The following APPL1 variants were observed in gnomAD, a reference collection of about 807,000 sequenced individuals.
APPL1 encodes the protein DCC-interacting protein 13-alpha.
APPL1 carries 42 observed loss-of-function variants against 106.8 expected under a neutral mutation model. The ratio of observed to expected loss-of-function variants is 0.39; its 90% CI spans 0.31 to 0.51. The LOEUF (loss-of-function observed/expected upper bound fraction) is 0.51. Among genes scored for constraint, APPL1 ranks in the 20% least tolerant of loss-of-function variants. The pLI is 0.75. For missense variants in APPL1, 769 were observed against 858.2 expected, an observed-to-expected ratio of 0.90 and a Z score of 1.30; for synonymous variants, 263 against 281.8, an observed-to-expected ratio of 0.93 and a Z score of 0.67.
chr3:57,260,280 G>A (rs918675516), intron 18 of APPL1, 127 bp downstream of exon 18: 2 of 1,055,240 alleles, frequency 1.9e-6, no homozygotes, highest in Middle Eastern at 3.1e-4. Context: ...GTCTTTGGCT[G>A]TTGTAGTTAA....
At chr3:57,244,275 C>A (rs558131383) in intron 7 of APPL1, among the ~76,000 whole-genome samples, 1 of 152,134 alleles carries the variant, frequency 6.6e-6, no homozygotes, top group African/African-American at 2.4e-5. Context: ...CCTGTTTCAG[C>A]CTCCCCAGTA....
chr3:57,262,062 C>T (rs2060869193), intron 19 of APPL1, among the ~76,000 whole-genome samples: 1 of 151,920 alleles, frequency 6.6e-6, no homozygotes, highest in Non-Finnish European at 1.5e-5. Flanking sequence ...GTTTTTGTGT[C>T]CTTTAAGAAA....
In APPL1 at chr3:57,227,896, G is replaced by A. The variant is rs1180717064; in HGVS notation, c.13G>A (p.Asp5Asn). Reference sequence around the variant, plus strand: ...TCCCTCCGCCACGATGCCGGGGATCGACAAGCTGCCCATCGAGGAGACGCT... The same window carrying A: ...TCCCTCCGCCACGATGCCGGGGATCAACAAGCTGCCCATCGAGGAGACGCT... Reference protein sequence around the residue: MPGIDKLPIEETLED... With the variant: MPGINKLPIEETLED... The change falls in exon 1 of 22, where the codon GAC becomes AAC. Residue 5 changes from aspartate (D) to asparagine (N), a missense_variant. Asp to Asn is a conservative substitution (Grantham distance 23). Transcript: ENST00000288266. 5.4e-6 allele frequency: 8 copies of A among 1,469,868 alleles called. No individual in the cohort carries two copies. The highest frequency in any genetic ancestry group is 2.6e-5 in the South Asian group (2 of 77,608). 91.1% of individuals were successfully genotyped at this position (1,469,868 alleles called of 1,614,324 possible). A position where few individuals can be genotyped will look rare whatever the true frequency, so the allele number is the denominator to read the frequency against.
chr3:57,231,155 T>C (rs761194922), intron 1 of APPL1, among the ~76,000 whole-genome samples: 3 of 151,370 alleles, frequency 2.0e-5, no homozygotes, highest in Non-Finnish European at 4.4e-5. Flanking sequence ...CTGGCCAACA[T>C]AGTGAAACCC....
chr3:57,241,956 AAC>A (rs2060748537), intron 5 of APPL1, 143 bp from the exon 6 acceptor site: 3 of 542,664 alleles, frequency 5.5e-6, no homozygotes, highest in Non-Finnish European at 6.4e-6. Context: ...GACTAGCTGA[AAC>A]ACAGAGTAGC....
In APPL1 at chr3:57,227,799, G is replaced by C. The variant is rs1432560172; in HGVS notation, c.-85G>C. On this transcript the variant is annotated 5_prime_UTR_variant, in exon 1 of 22. Transcript: ENST00000288266. Reference sequence around the variant, plus strand: ...CTGCAGCCCTTGCCGGAGAGGGCGGGCCGGGGTCAGCTGCGGCGGGCGGGC... The same window carrying C: ...CTGCAGCCCTTGCCGGAGAGGGCGGCCCGGGGTCAGCTGCGGCGGGCGGGC... The C allele has an allele frequency of 1.6e-6, 2 of 1,232,120 alleles. No individual in the cohort carries two copies. Among genetic ancestry groups the C allele is most frequent in the African/African-American group, 1.6e-5 (1 of 63,294 alleles). The allele number at this position is 1,232,120 out of a possible 1,614,324, so 76.3% of individuals were successfully genotyped here. A position where few individuals can be genotyped will look rare whatever the true frequency, so the allele number is the denominator to read the frequency against.
Position 57,235,577 on chromosome 3 carries a change from A to G in APPL1, c.66A>G (p.Leu22=), listed in dbSNP as rs2060712017. 6.2e-7 allele frequency: 1 copy of G among 1,606,664 alleles called. No homozygotes were observed. Among genetic ancestry groups the G allele is most frequent in the South Asian group, 1.1e-5 (1 of 90,710 alleles). ...TLEDSPQTRS[L]LGVFEEDATA... ...ATTGTTTTATACAGACAAGGTCTTT[A>G]CTAGGTGTATTTGAAGAAGATGCCA... Residue 22 remains leucine (L), a synonymous_variant, in exon 2 of 22, where the codon TTA becomes TTG. Coordinates refer to ENST00000288266, the MANE Select transcript of APPL1 (RefSeq NM_012096.3).
At chr3:57,252,131 G>A (rs1476553662) in intron 11 of APPL1, 138 bp from the exon 12 acceptor site, 28 of 694,104 alleles carry the variant, frequency 4.0e-5, no homozygotes, top group East Asian at 1.1e-4. Flanking sequence ...CTAAGATACC[G>A]TTGGTTGTGT....
At chr3:57,262,066 T>G (rs1012162136) in intron 19 of APPL1, among the ~76,000 whole-genome samples, 10 of 152,174 alleles carry the variant, frequency 6.6e-5, no homozygotes, top group Non-Finnish European at 1.2e-4. Flanking sequence ...TTGTGTCCTT[T>G]AAGAAATGCA....
At chr3:57,239,554 T>C (rs1366085478) in intron 4 of APPL1, among the ~76,000 whole-genome samples, 1 of 152,236 alleles carries the variant, frequency 6.6e-6, no homozygotes, top group Non-Finnish European at 1.5e-5. Flanking sequence ...TGTATCTGTT[T>C]ATCTAGTCAT....
chr3:57,265,127 C>T (rs140151709), intron 19 of APPL1, among the ~76,000 whole-genome samples: 3,644 of 151,874 alleles, frequency 0.024, 67 homozygotes, highest in Admixed American at 0.035. Context: ...TTTCTTTCAT[C>T]AGTGTTTTAT....
At chr3:57,252,505 G>A (rs986876605) in intron 12 of APPL1, among the ~76,000 whole-genome samples, 194 bp downstream of exon 12, 2 of 152,158 alleles carry the variant, frequency 1.3e-5, no homozygotes, top group African/African-American at 4.8e-5. Context: ...GAATTTTATA[G>A]TGGGAGGGAC....
intron 4 of APPL1, 125 bp from the exon 5 acceptor site, chr3:57,240,340 A>C (rs2060739015): frequency 1.4e-6 from 1 of 714,832 alleles, no homozygotes; most frequent in Non-Finnish European, 2.3e-6. Context: ...TATATCACAT[A>C]ATTTTTAGTG....
intron 13 of APPL1, 133 bp from the exon 14 acceptor site, chr3:57,256,824 T>C (rs1316544641): frequency 1.5e-6 from 1 of 670,836 alleles, no homozygotes; most frequent in Non-Finnish European, 2.6e-6. Context: ...CGAGGGAATA[T>C]AGTACTACTT....
Position 57,242,183 on chromosome 3 carries a change from T to C in APPL1, c.415+41T>C, listed in dbSNP as rs368580975. ...TGCACACTTATTTCTTGCAGTGATG[T>C]ATTTGTTTATCAGTGCATATCTGTG... On this transcript the variant is annotated intron_variant, in intron 6 of 21. Transcript: ENST00000288266. 21 of 1,498,706 alleles carry C rather than the reference T, an allele frequency of 1.4e-5. No homozygotes were observed. The African/African-American group carries it at 2.6e-4, about 19-fold the overall frequency. 92.8% of individuals were successfully genotyped at this position (1,498,706 alleles called of 1,614,324 possible). A position where few individuals can be genotyped will look rare whatever the true frequency, so the allele number is the denominator to read the frequency against.
chr3:57,238,742 T>C (rs1281295536), intron 4 of APPL1, among the ~76,000 whole-genome samples: 1 of 152,154 alleles, frequency 6.6e-6, no homozygotes, highest in Admixed American at 6.5e-5. Context: ...TACCGGGAAA[T>C]CAAGATAAAG....
At chr3:57,262,115 G>A (rs1416066432) in intron 19 of APPL1, among the ~76,000 whole-genome samples, 1 of 151,918 alleles carries the variant, frequency 6.6e-6, no homozygotes, top group East Asian at 1.9e-4. Flanking sequence ...GGGATTATTT[G>A]ATTTTTTCCC....
intron 1 of APPL1, among the ~76,000 whole-genome samples, chr3:57,232,145 G>T (rs1221363640): frequency 6.6e-6 from 1 of 152,156 alleles, no homozygotes; most frequent in Non-Finnish European, 1.5e-5. Context: ...ACTAAGAACA[G>T]ATAATGATCT....
Position 57,269,870 on chromosome 3 carries a change from C to A in APPL1, c.*183C>A, listed in dbSNP as rs997223807. On this transcript the variant is annotated 3_prime_UTR_variant, in exon 22 of 22. Transcript: ENST00000288266. Reference sequence around the variant, plus strand: ...ACTTAGGTTTGCATTGATCTTTTTTCCCCCTTAAACATAATGTACTATGTA... The same window carrying A: ...ACTTAGGTTTGCATTGATCTTTTTTACCCCTTAAACATAATGTACTATGTA... 7 of 643,796 alleles carry A rather than the reference C, an allele frequency of 1.1e-5. No individual in the cohort carries two copies. Among genetic ancestry groups the A allele is most frequent in the Non-Finnish European group, 1.8e-5 (7 of 399,426 alleles). The allele number at this position is 643,796 out of a possible 1,614,324, so 39.9% of individuals were successfully genotyped here. A position where few individuals can be genotyped will look rare whatever the true frequency, so the allele number is the denominator to read the frequency against.
Sources: allele counts gnomAD v4.1 joint callset (sites outside exome capture counted in the v4.1 genomes callset), GRCh38; gene constraint gnomAD v4.1.1; transcripts MANE v1.5; gene names NCBI Gene and HGNC (gene_info 2026-07-23, HGNC 2026-07-21).